The following RALGAPA1 variants were observed in gnomAD, a reference collection of about 807,000 sequenced individuals.
RALGAPA1 encodes the protein ral GTPase-activating protein subunit alpha-1.
A neutral mutation model predicts 269.6 loss-of-function variants in RALGAPA1; 52 were observed. The observed-to-expected ratio is 0.19, with a 90% CI of 0.15 to 0.24. The LOEUF is 0.24. Ranked by LOEUF, RALGAPA1 falls within the 10% of genes least tolerant of loss-of-function variation. RALGAPA1 has a pLI of 1.00. For missense variants in RALGAPA1, 1,917 were observed against 3,013.9 expected (o/e 0.64, Z 8.52); for synonymous variants, 817 against 1,008.3 (o/e 0.81, Z 3.60).
Position 35,808,737 on chromosome 14 carries a change from G to T in RALGAPA1, c.99C>A (p.Ile33=). 1 of 1,612,462 alleles carries T rather than the reference G, an allele frequency of 6.2e-7. No individual in the cohort carries two copies. Among genetic ancestry groups the T allele is most frequent in the Non-Finnish European group, 8.5e-7 (1 of 1,179,370 alleles). The change falls in exon 1 of 42, where the codon ATC becomes ATA. Residue 33 remains isoleucine (I), a synonymous_variant. Transcript: ENST00000680220. ...DALTRLKHLR[I]VIENAESIDL... ...CCACCCCTCGCTCCTCACCGATGAC[G>T]ATGCGCAGGTGCTTGAGGCGAGTCA...
chr14:35,557,098 A>ATGTGTGTG (rs56835063), intron 39 of RALGAPA1, among the ~76,000 whole-genome samples: 2,541 of 142,452 alleles, frequency 0.018, 27 homozygotes, highest in East Asian at 0.041. Context: ...TCCAATATGT[A>ATGTGTGTG]TGTGTGTGTG....
chr14:35,723,956 A>G (rs1219132522), intron 14 of RALGAPA1: 1 of 152,116 alleles, frequency 6.6e-6, no homozygotes, highest in Non-Finnish European at 1.5e-5. Context: ...TTAATTCTAC[A>G]ACATTTAGAA....
chr14:35,764,463 A>G (rs1235857282), intron 4 of RALGAPA1, among the ~76,000 whole-genome samples: 1 of 152,158 alleles, frequency 6.6e-6, no homozygotes, highest in African/African-American at 2.4e-5. Context: ...TTGAAAATAC[A>G]TTATCCCAAA....
At position 35,540,288 on chromosome 14, in the gene RALGAPA1, G is replaced by T. The variant is rs369099894; in HGVS notation, c.*24-598C>A. 7.9e-5 allele frequency among the ~76,000 whole-genome samples: 12 copies of T among 152,228 alleles called. 1 individual carries two copies. The East Asian group carries it at 2.1e-3, about 27-fold the overall frequency. The stretch of plus-strand genomic sequence containing the variant: ...AAATTTGTGGATGAGGGGAGGACAA[G>T]AATTCTCCTCTGAATGTCAGTTAAA... On this transcript the variant is annotated intron_variant, in intron 41 of 41. Transcript: ENST00000680220.
chr14:35,571,976 AAAAAGGGAAGGAACACACC>A (rs1250053295), intron 38 of RALGAPA1, among the ~76,000 whole-genome samples: 4 of 152,222 alleles, frequency 2.6e-5, no homozygotes, highest in African/African-American at 9.6e-5. Context: ...ATTCAGTTTA[AAAAAGGGAAGGAACACACC>A]AAAAATACTA....
chr14:35,807,733 AGACTAGAGAAACATG>A (rs1049927577), intron 1 of RALGAPA1: 1 of 152,250 alleles, frequency 6.6e-6, no homozygotes, highest in African/African-American at 2.4e-5. Context: ...AGTAAACAAT[AGACTAGAGAAACATG>A]TACCTCAAAT....
intron 12 of RALGAPA1, among the ~76,000 whole-genome samples, chr14:35,730,651 G>C (rs2070390131): frequency 6.7e-6 from 1 of 149,488 alleles, no homozygotes; most frequent in African/African-American, 2.4e-5. Flanking sequence ...ACTCAGCAGA[G>C]GCAGCCATAA....
At chr14:35,779,318 G>T (rs937153794) in intron 1 of RALGAPA1, among the ~76,000 whole-genome samples, 2 of 152,016 alleles carry the variant, frequency 1.3e-5, no homozygotes, top group Non-Finnish European at 2.9e-5. Context: ...TTGAGGCCAG[G>T]AGTTTGAGAT....
intron 26 of RALGAPA1, among the ~76,000 whole-genome samples, chr14:35,665,801 G>A (rs138212251): frequency 6.6e-6 from 1 of 152,158 alleles, no homozygotes; most frequent in Non-Finnish European, 1.5e-5. Flanking sequence ...GAGTTTTTCT[G>A]TATAGGTAGA....
intron 4 of RALGAPA1, among the ~76,000 whole-genome samples, chr14:35,769,206 A>T (rs2074434275): frequency 6.6e-6 from 1 of 151,458 alleles, no homozygotes; most frequent in Non-Finnish European, 1.5e-5. Context: ...TGGCCAATAA[A>T]ATAGGAGAGA....
chr14:35,685,255 G>C (rs1444172946), intron 19 of RALGAPA1, 110 bp from the exon 20 acceptor site: 1 of 955,604 alleles, frequency 1.0e-6, no homozygotes, highest in Non-Finnish European at 1.5e-6. Context: ...TTTAGAGGCT[G>C]AAGTAGGAGT....
chr14:35,552,055 T>A (rs912407772), intron 39 of RALGAPA1, among the ~76,000 whole-genome samples: 4 of 152,126 alleles, frequency 2.6e-5, no homozygotes, highest in African/African-American at 9.6e-5. Context: ...ATATCTAAGG[T>A]AAATCACTTT....
chr14:35,566,991 C>T (rs2056767377), intron 39 of RALGAPA1, among the ~76,000 whole-genome samples: 1 of 151,198 alleles, frequency 6.6e-6, no homozygotes, highest in Non-Finnish European at 1.5e-5. Context: ...ATACATACTA[C>T]ACTAGGTATA....
intron 15 of RALGAPA1, among the ~76,000 whole-genome samples, chr14:35,722,264 A>G (rs1305283220): frequency 6.6e-6 from 1 of 152,236 alleles, no homozygotes; most frequent in Non-Finnish European, 1.5e-5. Flanking sequence ...ACCCTGGACA[A>G]AAGTATGAAA....
chr14:35,788,467 T>A (rs936167136), intron 1 of RALGAPA1, among the ~76,000 whole-genome samples: 2 of 152,158 alleles, frequency 1.3e-5, no homozygotes, highest in African/African-American at 2.4e-5. Context: ...ACAGGTAAAC[T>A]GAAGATCAAA....
At chr14:35,626,740 A>G (rs1446026038) in intron 34 of RALGAPA1, among the ~76,000 whole-genome samples, 2 of 152,062 alleles carry the variant, frequency 1.3e-5, no homozygotes, top group Non-Finnish European at 2.9e-5. Context: ...TTTTGATTTG[A>G]CCTTGAATCC....
chr14:35,599,924 T>C (rs1376530173), intron 36 of RALGAPA1, among the ~76,000 whole-genome samples: 3 of 152,184 alleles, frequency 2.0e-5, no homozygotes, highest in Non-Finnish European at 4.4e-5. Context: ...ATTTTTGTCT[T>C]TAGCTTTCAG....
chr14:35,627,674 A>C lies in RALGAPA1; in HGVS notation c.6273T>G (p.Ser2091=), dbSNP rs2139618470. Residue 2091 remains serine (S), a synonymous_variant, in exon 34 of 42, where the codon TCT becomes TCG. Transcript: ENST00000680220. ...SEENMPGGGL[S]AGLASANSNV... ...TTGAATTGGCTGATGCAAGGCCAGC[A>C]GATAAACCTCCTCCAGGCATATTCT... is the stretch of plus-strand genomic sequence containing the variant. 1 of 1,582,312 alleles carries C rather than the reference A, an allele frequency of 6.3e-7. No homozygotes were observed. The highest frequency in any genetic ancestry group is 1.2e-5 in the South Asian group (1 of 85,118).
intron 16 of RALGAPA1, among the ~76,000 whole-genome samples, chr14:35,720,238 A>G (rs2069267275): frequency 6.6e-6 from 1 of 152,332 alleles, no homozygotes; most frequent in Admixed American, 6.5e-5. Flanking sequence ...TCTAGCTTGG[A>G]ATATACAATT....
Sources: gnomAD v4.1 joint callset for allele counts (sites outside exome capture counted in the v4.1 genomes callset) on GRCh38, gnomAD v4.1.1 for gene constraint, MANE v1.5 for transcripts, NCBI Gene and HGNC (gene_info 2026-07-23, HGNC 2026-07-21) for gene names.